Variants in TUBG2 observed in about 807,000 individuals in gnomAD.
TUBG2 encodes the protein tubulin gamma-2 chain.
TUBG2 carries 39 observed loss-of-function variants against 55.1 expected under a neutral mutation model. That is an observed-to-expected ratio of 0.71 (90% confidence interval 0.55 to 0.93). The LOEUF (loss-of-function observed/expected upper bound fraction) is 0.93. Among genes scored for constraint, TUBG2 ranks in the 40% least tolerant of loss-of-function variants. The probability of loss-of-function intolerance (pLI) is 0.00; values close to 1 mark genes in which losing one functional copy is unlikely to be tolerated. For synonymous variants in TUBG2, 223 were observed against 241.0 expected, an observed-to-expected ratio of 0.93 and a Z score of 0.69; for missense variants, 358 against 599.1, an observed-to-expected ratio of 0.60 and a Z score of 4.20.
chr17:42,666,864 C>T lies in TUBG2; in HGVS notation c.*64C>T, dbSNP rs1171973153. On this transcript the variant is annotated 3_prime_UTR_variant, in exon 11 of 11. Transcript: ENST00000251412. ...CCACAGCCTCGACCATGCCTGCTCC[C>T]TCTGACCCAGCTTCACCTCATGGAC... 7 of 1,573,844 alleles carry T rather than the reference C, an allele frequency of 4.4e-6. No individual in the cohort carries two copies. The highest frequency in any genetic ancestry group is 6.1e-6 in the Non-Finnish European group (7 of 1,149,534).
At chr17:42,662,927 AGT>A in intron 4 of TUBG2, 44 bp from the exon 5 acceptor site, 6 of 1,583,476 alleles carry the variant, frequency 3.8e-6, no homozygotes, top group Non-Finnish European at 5.2e-6. Context: ...GTGTTGTGAG[AGT>A]GTGGCAGGAG....
In TUBG2 at chr17:42,659,832, A is replaced by T. The variant is rs770152408; in HGVS notation, c.50-2A>T. ...GACCCGGGCATCTCCCCCCTCCCCC[A>T]GTTGGGTTCGAGTTCTGGAAACAGC... is the stretch of plus-strand genomic sequence containing the variant. On this transcript the variant is annotated splice_acceptor_variant, in intron 1 of 10. Coordinates refer to ENST00000251412, the MANE Select transcript of TUBG2 (RefSeq NM_016437.3). LOFTEE classifies it high-confidence loss of function. The T allele has an allele frequency of 6.2e-7, 1 of 1,613,780 alleles. No individual in the cohort carries two copies. The highest frequency in any genetic ancestry group is 8.5e-7 in the Non-Finnish European group (1 of 1,179,858).
In TUBG2 at chr17:42,660,630, T is replaced by C; in HGVS notation, c.331-9T>C. The C allele has an allele frequency of 6.2e-7, 1 of 1,613,674 alleles. No homozygotes were observed. The highest frequency in any genetic ancestry group is 8.5e-7 in the Non-Finnish European group (1 of 1,179,688). ...TGGCCTGACCCTCCCTTTCCATATCTCTATACAGGGTGAGAAAATTCATGA... is the reference window on the plus strand; with the variant it reads ...TGGCCTGACCCTCCCTTTCCATATCCCTATACAGGGTGAGAAAATTCATGA... On this transcript the variant is annotated splice_polypyrimidine_tract_variant and intron_variant, in intron 3 of 10. Coordinates refer to ENST00000251412, the MANE Select transcript of TUBG2 (RefSeq NM_016437.3).
At chr17:42,661,014 G>A (rs1038054854) in intron 4 of TUBG2, 5 of 328,042 alleles carry the variant, frequency 1.5e-5, no homozygotes, top group African/African-American at 8.4e-5. Flanking sequence ...TTTGGGAATG[G>A]AGAATGAACC....
intron 2 of TUBG2, 85 bp from the exon 3 acceptor site, chr17:42,660,064 A>C: frequency 2.3e-6 from 3 of 1,313,122 alleles, no homozygotes; most frequent in Non-Finnish European, 1.1e-6. Context: ...TTGAGGAGGG[A>C]GGGCCGGAGG....
At chr17:42,665,037 A>G (rs893096679) in intron 6 of TUBG2, among the ~76,000 whole-genome samples, 1 of 142,900 alleles carries the variant, frequency 7.0e-6, no homozygotes, top group African/African-American at 2.9e-5. Context: ...TATTTTATTT[A>G]TTTTATTTTA....
At chr17:42,665,654 A>G (rs2052513810) in intron 7 of TUBG2, 24 bp from the exon 8 acceptor site, 1 of 1,614,004 alleles carries the variant, frequency 6.2e-7, no homozygotes, top group Non-Finnish European at 8.5e-7. Flanking sequence ...GCCGAGCCCC[A>G]TGACATGGCA....
chr17:42,660,846 T>C, intron 4 of TUBG2, 139 bp downstream of exon 4: 2 of 692,778 alleles, frequency 2.9e-6, no homozygotes, highest in Middle Eastern at 2.7e-4. Flanking sequence ...ATGTGGGATA[T>C]TGAGGTGAAT....
intron 4 of TUBG2, among the ~76,000 whole-genome samples, chr17:42,662,152 A>G (rs67476363): frequency 0.017 from 2,530 of 152,138 alleles, 68 homozygotes; most frequent in African/African-American, 0.058. Context: ...AAAATATACA[A>G]ACATTATCCA....
intron 4 of TUBG2, chr17:42,661,088 G>A (rs552363567): frequency 9.5e-5 from 22 of 231,884 alleles, no homozygotes; most frequent in South Asian, 1.5e-4. Flanking sequence ...TGCTGGGTGC[G>A]ATATGTTCCT....
chr17:42,664,250 T>C (rs2052462923), intron 6 of TUBG2, among the ~76,000 whole-genome samples: 1 of 148,066 alleles, frequency 6.8e-6, no homozygotes, highest in African/African-American at 2.5e-5. Flanking sequence ...CACTCCAGCT[T>C]GGGCAACGGA....
chr17:42,666,235 C>T lies in TUBG2; in HGVS notation c.992C>T (p.Thr331Ile). ...ATCATCCAGGGAGAGGTGGACCCCA[C>T]CCAGGTAGGGGAGGCCCCTTCATCC... ...LNIIQGEVDP[T>I]QVHKSLQRIR... The change falls in exon 9 of 11, where the codon ACC becomes ATC. Residue 331 changes from threonine (T) to isoleucine (I), a missense_variant. Thr to Ile is a moderately conservative substitution (Grantham distance 89). Coordinates refer to ENST00000251412, the MANE Select transcript of TUBG2 (RefSeq NM_016437.3). 6.2e-7 allele frequency: 1 copy of T among 1,614,006 alleles called. No individual in the cohort carries two copies. The highest frequency in any genetic ancestry group is 8.5e-7 in the Non-Finnish European group (1 of 1,179,876).
intron 4 of TUBG2, among the ~76,000 whole-genome samples, chr17:42,662,092 C>T (rs757277951): frequency 5.9e-5 from 9 of 152,144 alleles, no homozygotes; most frequent in Non-Finnish European, 1.2e-4. Flanking sequence ...ATCATCCGAG[C>T]CCAGGAGTTC....
At chr17:42,664,737 C>T (rs1466899388) in intron 6 of TUBG2, among the ~76,000 whole-genome samples, 1 of 151,762 alleles carries the variant, frequency 6.6e-6, no homozygotes, top group Non-Finnish European at 1.5e-5. Flanking sequence ...GAGCCAGGCA[C>T]AGTGTATGGC....
Position 42,666,880 on chromosome 17 carries a change from C to A in TUBG2, c.*80C>A. 6.7e-7 allele frequency: 1 copy of A among 1,490,256 alleles called. No individual in the cohort carries two copies. Among genetic ancestry groups the A allele is most frequent in the Non-Finnish European group, 9.2e-7 (1 of 1,082,132 alleles). 92.3% of individuals were successfully genotyped at this position (1,490,256 alleles called of 1,614,324 possible). On this transcript the variant is annotated 3_prime_UTR_variant, in exon 11 of 11. Coordinates refer to ENST00000251412, the MANE Select transcript of TUBG2 (RefSeq NM_016437.3). ...GCCTGCTCCCTCTGACCCAGCTTCA[C>A]CTCATGGACAACCCTTCTTGGTTCA...
In TUBG2 at chr17:42,659,508, C is replaced by T; in HGVS notation, c.5C>T (p.Pro2Leu). Residue 2 changes from proline (P) to leucine (L), a missense_variant, in exon 1 of 11, where the codon CCC becomes CTC. Around this residue, in one of 8 missense-constraint regions of TUBG2, gnomAD observed 17 missense variants for 16.9 expected, o/e 1.01. Transcript: ENST00000251412. ...CGCGCCCACGTCTGAAGAGCGATGC[C>T]CCGGGAGATCATCACCCTGCAGCTG... The part of the protein sequence containing the change: M[P>L]REIITLQLGQ... The T allele has an allele frequency of 6.4e-7, 1 of 1,553,232 alleles. No individual in the cohort carries two copies. Among genetic ancestry groups the T allele is most frequent in the Non-Finnish European group, 8.7e-7 (1 of 1,149,254 alleles).
In TUBG2 at chr17:42,659,297, C is replaced by T; in HGVS notation, c.-207C>T. ...CGCCTGTGCGGAATTCCAGCTGCGA[C>T]TGCTGAGGGAGAAAATGATGCCCAG... On this transcript the variant is annotated 5_prime_UTR_variant, in exon 1 of 11. Transcript: ENST00000251412. 1 of 529,002 alleles carries T rather than the reference C, an allele frequency of 1.9e-6. No individual in the cohort carries two copies. Among genetic ancestry groups the T allele is most frequent in the Non-Finnish European group, 3.3e-6 (1 of 304,240 alleles). The allele number at this position is 529,002 out of a possible 1,614,324, so 32.8% of individuals were successfully genotyped here.
rs552803297 is a variant in TUBG2, at chr17:42,666,754, C to T, written c.1310C>T (p.Ala437Val). The T allele has an allele frequency of 2.3e-5, 37 of 1,614,078 alleles. No homozygotes were observed. The highest frequency in any genetic ancestry group is 8.9e-5 in the East Asian group (4 of 44,880). ...VVQELIDEYH[A>V]ATQPDYISWG... is the part of the protein sequence containing the mutation. ...CAGGAGCTCATTGATGAGTACCATG[C>T]GGCCACCCAGCCAGACTACATTTCC... The change falls in exon 11 of 11, where the codon GCG becomes GTG. Residue 437 changes from alanine (A) to valine (V), a missense_variant. Transcript: ENST00000251412.
chr17:42,663,235 C>G, intron 5 of TUBG2, 142 bp from the exon 6 acceptor site: 1 of 1,382,600 alleles, frequency 7.2e-7, no homozygotes, highest in Non-Finnish European at 9.9e-7. Context: ...AGGGGATCTA[C>G]AGAGTTTGAA....
Sources: gnomAD v4.1 joint callset for allele counts (sites outside exome capture counted in the v4.1 genomes callset) on GRCh38, gnomAD v4.1.1 for gene constraint, gnomAD v4.1.1 regional missense constraint, MANE v1.5 for transcripts, NCBI Gene and HGNC (gene_info 2026-07-23, HGNC 2026-07-21) for gene names.